Variants in CTNND2 observed in about 807,000 individuals in gnomAD.
CTNND2 encodes catenin delta-2.
In CTNND2, 22 loss-of-function variants were observed where a neutral mutation model predicts 144.4. The ratio of observed to expected loss-of-function variants is 0.15; its 90% confidence interval spans 0.11 to 0.22. The LOEUF (loss-of-function observed/expected upper bound fraction) is 0.22. CTNND2 is among the 10% of genes least tolerant of loss of function. The pLI is 1.00. For synonymous variants in CTNND2, 751 were observed against 695.6 expected (o/e 1.08, Z -1.25); for missense variants, 1,353 against 1,618.8 (o/e 0.84, Z 2.82).
intron 9 of CTNND2, among the ~76,000 whole-genome samples, chr5:11,321,816 G>C (rs1219803948): frequency 1.3e-5 from 2 of 152,140 alleles, no homozygotes; most frequent in Non-Finnish European, 2.9e-5. Flanking sequence ...TTTTCAGCAT[G>C]AAGCTTGGCT....
chr5:11,755,750 A>G (rs756090195), intron 1 of CTNND2, among the ~76,000 whole-genome samples: 9 of 150,874 alleles, frequency 6.0e-5, no homozygotes, highest in Non-Finnish European at 1.2e-4. Flanking sequence ...TTATATTATG[A>G]AATTCTTGAA....
chr5:11,197,681 T>C (rs1737006022), intron 11 of CTNND2, among the ~76,000 whole-genome samples: 1 of 151,892 alleles, frequency 6.6e-6, no homozygotes, highest in South Asian at 2.1e-4. Flanking sequence ...TCGAAGGCAA[T>C]GGAGTAGACT....
chr5:11,052,397 C>T (rs556942331), intron 16 of CTNND2, among the ~76,000 whole-genome samples: 1 of 152,268 alleles, frequency 6.6e-6, no homozygotes, highest in Non-Finnish European at 1.5e-5. Flanking sequence ...CACTTAATTA[C>T]CCCTGTCCTC....
At chr5:11,139,444 TGTC>T (rs1756486271) in intron 12 of CTNND2, among the ~76,000 whole-genome samples, 2 of 152,242 alleles carry the variant, frequency 1.3e-5, no homozygotes, top group South Asian at 4.1e-4. Flanking sequence ...GATGAATCCC[TGTC>T]TTACTTGAAT....
At chr5:11,394,782 T>C (rs1427702439) in intron 6 of CTNND2, among the ~76,000 whole-genome samples, 1 of 152,240 alleles carries the variant, frequency 6.6e-6, no homozygotes, top group East Asian at 1.9e-4. Flanking sequence ...TTACGCTGAA[T>C]AGAGATTTTT....
intron 2 of CTNND2, among the ~76,000 whole-genome samples, chr5:11,674,699 GT>G (rs777270204): frequency 4.0e-4 from 60 of 149,916 alleles, no homozygotes; most frequent in Non-Finnish European, 3.0e-4. Context: ...TGCATATGCA[GT>G]TTTTTTGTTT....
intron 3 of CTNND2, among the ~76,000 whole-genome samples, chr5:11,440,769 G>A (rs941717327): frequency 6.6e-6 from 1 of 152,172 alleles, no homozygotes; most frequent in African/African-American, 2.4e-5. Context: ...AAAATCTAAT[G>A]TATGAAGAAA....
At position 11,872,894 on chromosome 5, in the gene CTNND2, C is replaced by T. The variant is rs543333836; in HGVS notation, c.37+30923G>A. ...AACATAAATACTAAAACCATAAAAA[C>T]CCTAGAAGAAAACCTAGGCAATACC... On this transcript the variant is annotated intron_variant, in intron 1 of 21. Transcript: ENST00000304623. Among the ~76,000 whole-genome samples, 4 of 152,238 alleles carry T rather than the reference C, an allele frequency of 2.6e-5. No individual in the cohort carries two copies. The East Asian group carries it at 7.7e-4, about 29-fold the overall frequency.
intron 2 of CTNND2, among the ~76,000 whole-genome samples, chr5:11,611,306 G>T (rs1780311309): frequency 6.6e-6 from 1 of 152,078 alleles, no homozygotes; most frequent in South Asian, 2.1e-4. Flanking sequence ...CCCAGTCTTG[G>T]GCATGTCTTT....
Position 10,988,272 on chromosome 5 carries a change from C to T in CTNND2, c.3212-30G>A, listed in dbSNP as rs752723393. The T allele has an allele frequency of 1.9e-6, 3 of 1,613,534 alleles. No homozygotes were observed. The highest frequency in any genetic ancestry group is 2.2e-5 in the South Asian group (2 of 90,962). Reference sequence around the variant, plus strand: ...ATAAAGAAATCAAAAGGGGGATTTTCTGCATCTCATCCCACAGCGTGTGTG... The same window carrying T: ...ATAAAGAAATCAAAAGGGGGATTTTTTGCATCTCATCCCACAGCGTGTGTG... On this transcript the variant is annotated intron_variant, in intron 19 of 21. Coordinates refer to ENST00000304623, the MANE Select transcript of CTNND2 (RefSeq NM_001332.4). The surrounding 1 kb of genome is among the most constrained non-coding windows in gnomAD (Gnocchi z 5.9).
At position 11,803,104 on chromosome 5, in the gene CTNND2, G is replaced by A. The variant is rs368074124; in HGVS notation, c.38-70832C>T. Reference sequence around the variant, plus strand: ...TGGGAGGCCGAGGCGGGTGGATCACGAGGTCAGGAGATCAAGACCATCCTG... The same window carrying A: ...TGGGAGGCCGAGGCGGGTGGATCACAAGGTCAGGAGATCAAGACCATCCTG... On this transcript the variant is annotated intron_variant, in intron 1 of 21. Transcript: ENST00000304623. Among the ~76,000 whole-genome samples the A allele has an allele frequency of 7.2e-5, 11 of 152,238 alleles. No homozygotes were observed. The South Asian group carries it at 2.3e-3, about 32-fold the overall frequency.
rs560108552 is a variant in CTNND2 at position 11,078,350 on chromosome 5, T to C, written c.2788+4346A>G. On this transcript the variant is annotated intron_variant, in intron 16 of 21. Coordinates refer to ENST00000304623, the MANE Select transcript of CTNND2 (RefSeq NM_001332.4). ...TAAATACAATCCAATGTTGTTCTTG[T>C]CAAATTCTGCTATTCTCAGTCAAGA... Among the ~76,000 whole-genome samples the C allele has an allele frequency of 2.6e-5, 4 of 152,358 alleles. No homozygotes were observed. In the East Asian group the frequency reaches 7.7e-4, roughly 29 times the overall value.
chr5:11,659,239 T>C (rs1019332716), intron 2 of CTNND2, among the ~76,000 whole-genome samples: 1 of 152,154 alleles, frequency 6.6e-6, no homozygotes, highest in Non-Finnish European at 1.5e-5. Flanking sequence ...AATATAGAGA[T>C]GATCTGATGT....
At chr5:11,393,436 T>C (rs1325905604) in intron 6 of CTNND2, among the ~76,000 whole-genome samples, 1 of 152,240 alleles carries the variant, frequency 6.6e-6, no homozygotes, top group Non-Finnish European at 1.5e-5. Flanking sequence ...CATAGTTTTT[T>C]TGTTTGAGGG....
rs76294138 is a variant in CTNND2, at chr5:11,704,757, A to G, written c.174+27379T>C. Among the ~76,000 whole-genome samples, 3 of 152,078 alleles carry G rather than the reference A, an allele frequency of 2.0e-5. No individual in the cohort carries two copies. In the East Asian group the frequency reaches 5.9e-4, roughly 30 times the overall value. ...AACTATGATATAGCTGTCACAGTTT[A>G]GTTGTGGCTCACAGTTAGGAAAAAG... On this transcript the variant is annotated intron_variant, in intron 2 of 21. Transcript: ENST00000304623.
intron 1 of CTNND2, among the ~76,000 whole-genome samples, chr5:11,865,031 G>T (rs1560942269): frequency 6.6e-6 from 1 of 151,860 alleles, no homozygotes; most frequent in Admixed American, 6.6e-5. Context: ...AAGTAGCTGG[G>T]ATTACAGGCA....
At chr5:11,201,050 C>A (rs1234729918) in intron 10 of CTNND2, among the ~76,000 whole-genome samples, 1 of 152,172 alleles carries the variant, frequency 6.6e-6, no homozygotes, top group Non-Finnish European at 1.5e-5. Flanking sequence ...TTTAAAACTG[C>A]ACTTAGAACC....
At chr5:11,763,034 C>G (rs963151076) in intron 1 of CTNND2, among the ~76,000 whole-genome samples, 8 of 152,076 alleles carry the variant, frequency 5.3e-5, no homozygotes, top group African/African-American at 1.9e-4. Flanking sequence ...CAGATTTCCC[C>G]CTTGCTGTTC....
At chr5:11,362,570 C>T (rs1756576426) in intron 8 of CTNND2, among the ~76,000 whole-genome samples, 1 of 152,154 alleles carries the variant, frequency 6.6e-6, no homozygotes, top group Admixed American at 6.5e-5. Flanking sequence ...CTGGAAATTT[C>T]CATAGTATTA....
Sources: allele counts gnomAD v4.1 joint callset (sites outside exome capture counted in the v4.1 genomes callset), GRCh38; gene constraint gnomAD v4.1.1; non-coding constraint Gnocchi (gnomAD v3.1); transcripts MANE v1.5; gene names NCBI Gene and HGNC (gene_info 2026-07-23, HGNC 2026-07-21).